TOGARAM1: variants seen among roughly 807,000 people sequenced by gnomAD.
The protein encoded by TOGARAM1 is TOG array regulator of axonemal microtubules 1, also known as TOG array regulator of axonemal microtubules protein 1.
In TOGARAM1, 100 loss-of-function variants were observed where a neutral mutation model predicts 166.6. The observed-to-expected ratio is 0.60, with a 90% CI of 0.51 to 0.71. TOGARAM1 has a LOEUF of 0.71. TOGARAM1 is among the 30% of genes least tolerant of loss of function. The probability of loss-of-function intolerance (pLI) is 0.00; values close to 1 mark genes in which losing one functional copy is unlikely to be tolerated. For missense variants in TOGARAM1, 2,029 were observed against 2,102.7 expected (o/e 0.96, Z 0.69); for synonymous variants, 758 against 763.8 (o/e 0.99, Z 0.13).
At position 45,066,594 on chromosome 14, in the gene TOGARAM1, C is replaced by T. The variant is rs772832978; in HGVS notation, c.4576C>T (p.Arg1526Cys). The change falls in exon 17 of 20, where the codon CGT becomes TGT. Residue 1526 changes from arginine to cysteine, a missense_variant. Around this residue, in one of 2 missense-constraint regions of TOGARAM1, gnomAD observed 576 missense variants for 670.5 expected, o/e 0.86. Coordinates refer to ENST00000361462, the MANE Select transcript of TOGARAM1 (RefSeq NM_001308120.2). ...NSAERAVTEV[R>C]EVTRKSVPRN... ...TCACTTTAGAGCTGTAACTGAAGTT[C>T]GTGAAGTCACCAGAAAATCAGTCCC... 2.2e-5 allele frequency: 35 copies of T among 1,606,762 alleles called. No homozygotes were observed. In the Admixed American group the frequency reaches 3.0e-4, roughly 14 times the overall value.
At chr14:44,981,318 G>A (rs1023208200) in intron 1 of TOGARAM1, among the ~76,000 whole-genome samples, 1 of 152,146 alleles carries the variant, frequency 6.6e-6, no homozygotes, top group East Asian at 1.9e-4. Context: ...GAGAGAGAGA[G>A]GGTAAGATCA....
intron 6 of TOGARAM1, among the ~76,000 whole-genome samples, chr14:45,009,789 G>A (rs1762693990): frequency 6.6e-6 from 1 of 152,182 alleles, no homozygotes; most frequent in Admixed American, 6.5e-5. Context: ...ACTGGTGAGT[G>A]ATCTCAAACT....
intron 1 of TOGARAM1, among the ~76,000 whole-genome samples, chr14:44,984,497 G>A (rs1886684909): frequency 6.6e-6 from 1 of 151,702 alleles, no homozygotes; most frequent in African/African-American, 2.4e-5. Flanking sequence ...TCTTAAAAAA[G>A]CTGTAACAGC....
In TOGARAM1 at chr14:44,980,450, C is replaced by T. The variant is rs538970959; in HGVS notation, c.2047-15296C>T. On this transcript the variant is annotated intron_variant, in intron 1 of 19. Transcript: ENST00000361462. Reference sequence around the variant, plus strand: ...GAGAGGTCAGTGTGGGTGAGGGAAGCGGAGCAGATCACTTGAGGTCAGGAG... The same window carrying T: ...GAGAGGTCAGTGTGGGTGAGGGAAGTGGAGCAGATCACTTGAGGTCAGGAG... Among the ~76,000 whole-genome samples, 10 of 152,168 alleles carry T rather than the reference C, an allele frequency of 6.6e-5. 1 individual carries two copies. The South Asian group carries it at 1.7e-3, about 25-fold the overall frequency.
intron 6 of TOGARAM1, among the ~76,000 whole-genome samples, chr14:45,009,974 A>G (rs1834826062): frequency 6.6e-6 from 1 of 152,196 alleles, no homozygotes; most frequent in African/African-American, 2.4e-5. Flanking sequence ...TTACACTCCT[A>G]CCAGCTATGT....
Position 45,068,430 on chromosome 14 carries a change from G to A in TOGARAM1, c.4756G>A (p.Asp1586Asn), listed in dbSNP as rs1340640473. The A allele has an allele frequency of 6.3e-7, 1 of 1,597,548 alleles. No homozygotes were observed. The change falls in exon 18 of 20, where the codon GAT becomes AAT. Residue 1586 changes from aspartate (D) to asparagine (N), a missense_variant. Asp to Asn is a conservative substitution (Grantham distance 23). This residue lies in a region of TOGARAM1 where 576 missense variants were observed against 670.5 expected (regional missense o/e 0.86). Coordinates refer to ENST00000361462, the MANE Select transcript of TOGARAM1 (RefSeq NM_001308120.2). ...TTTACCAATTTATTTTCAGATTTTT[G>A]ATGCTTTTAAATCTCGACTTCATGA... The part of the protein sequence containing the change: ...LVVGNIVKIF[D>N]AFKSRLHDSN...
rs1881909676 is a variant in TOGARAM1, at chr14:45,044,878, T to A, written c.4154+8T>A. The A allele has an allele frequency of 1.9e-6, 3 of 1,589,876 alleles. No homozygotes were observed. The highest frequency in any genetic ancestry group is 2.6e-6 in the Non-Finnish European group (3 of 1,163,358). On this transcript the variant is annotated splice_region_variant and intron_variant, in intron 13 of 19. Coordinates refer to ENST00000361462, the MANE Select transcript of TOGARAM1 (RefSeq NM_001308120.2). ...TATCAATGGTGGACAAAGGTAATGTTCAAAATAACCTTGAAATGTCTTTAA... is the reference window on the plus strand; with the variant it reads ...TATCAATGGTGGACAAAGGTAATGTACAAAATAACCTTGAAATGTCTTTAA...
Position 45,012,184 on chromosome 14 carries a change from A to G in TOGARAM1, c.3238+109A>G. On this transcript the variant is annotated intron_variant, in intron 7 of 19. Transcript: ENST00000361462. Reference sequence around the variant, plus strand: ...TTCATGTTGTTGTGCATACTGGTTAAGACTAATCATTTTTTTACTCCTTAA... The same window carrying G: ...TTCATGTTGTTGTGCATACTGGTTAGGACTAATCATTTTTTTACTCCTTAA... 9 of 644,394 alleles carry G rather than the reference A, an allele frequency of 1.4e-5. No homozygotes were observed. In the South Asian group the frequency reaches 2.6e-4, roughly 19 times the overall value. 39.9% of individuals were successfully genotyped at this position (644,394 alleles called of 1,614,324 possible). A position where few individuals can be genotyped will look rare whatever the true frequency, so the allele number is the denominator to read the frequency against.
At chr14:45,049,331 C>T (rs1044685618) in intron 14 of TOGARAM1, among the ~76,000 whole-genome samples, 9 of 151,882 alleles carry the variant, frequency 5.9e-5, no homozygotes, top group East Asian at 1.9e-4. Flanking sequence ...GGCGCCATCT[C>T]GGCTCACTGC....
At chr14:45,044,943 AAC>A in intron 13 of TOGARAM1, 73 bp downstream of exon 13, 6 of 1,142,224 alleles carry the variant, frequency 5.3e-6, no homozygotes, top group Non-Finnish European at 6.2e-6. Context: ...GTAGAAAAGA[AAC>A]AAGCAAATCT....
chr14:44,965,829 T>C (rs1343302781), intron 1 of TOGARAM1, among the ~76,000 whole-genome samples: 1 of 152,082 alleles, frequency 6.6e-6, no homozygotes, highest in African/African-American at 2.4e-5. Context: ...CAATGGTCTT[T>C]ACCTGTATCA....
intron 3 of TOGARAM1, among the ~76,000 whole-genome samples, chr14:44,999,772 T>C (rs987773781): frequency 7.9e-5 from 12 of 152,130 alleles, no homozygotes; most frequent in Non-Finnish European, 1.5e-4. Flanking sequence ...TGGTACATAT[T>C]TGTGGGGGAC....
intron 11 of TOGARAM1, among the ~76,000 whole-genome samples, chr14:45,036,053 C>T (rs1881414221): frequency 6.8e-6 from 1 of 148,134 alleles, no homozygotes; most frequent in Non-Finnish European, 1.5e-5. Context: ...TTGCCTGAAT[C>T]CAGGGGTTCG....
At chr14:45,001,110 A>T (rs566139109) in intron 3 of TOGARAM1, among the ~76,000 whole-genome samples, 1 of 152,166 alleles carries the variant, frequency 6.6e-6, no homozygotes, top group Admixed American at 6.5e-5. Flanking sequence ...GCAGTGTACA[A>T]GCATTCCTTT....
At chr14:44,986,738 G>A (rs1464512124) in intron 1 of TOGARAM1, among the ~76,000 whole-genome samples, 5 of 151,672 alleles carry the variant, frequency 3.3e-5, no homozygotes, top group African/African-American at 1.2e-4. Flanking sequence ...TGGGCGCGGT[G>A]GCTCGAGCCT....
At position 44,962,518 on chromosome 14, in the gene TOGARAM1, A is replaced by G. The variant is rs745797018; in HGVS notation, c.97A>G (p.Thr33Ala). 6.2e-7 allele frequency: 1 copy of G among 1,613,234 alleles called. No individual in the cohort carries two copies. Among genetic ancestry groups the G allele is most frequent in the African/African-American group, 1.3e-5 (1 of 74,852 alleles). The change falls in exon 1 of 20, where the codon ACC (threonine) becomes GCC (alanine). Residue 33 changes from threonine (T) to alanine (A), a missense_variant. Around this residue, in one of 2 missense-constraint regions of TOGARAM1, gnomAD observed 1,453 missense variants for 1,432.2 expected, o/e 1.01. Coordinates refer to ENST00000361462, the MANE Select transcript of TOGARAM1 (RefSeq NM_001308120.2). ...CCGCAGTCGTCCTTCCGCCCCAGAGACCGATGATAGTCGAGTTGGGGGCAT... is the reference window on the plus strand; with the variant it reads ...CCGCAGTCGTCCTTCCGCCCCAGAGGCCGATGATAGTCGAGTTGGGGGCAT... ...QSRSRPSAPE[T>A]DDSRVGGIMR...
chr14:45,039,585 T>A (rs1179318816), intron 11 of TOGARAM1, among the ~76,000 whole-genome samples: 1 of 152,144 alleles, frequency 6.6e-6, no homozygotes, highest in African/African-American at 2.4e-5. Context: ...GGGGACCATG[T>A]CAGCACTGCC....
intron 18 of TOGARAM1, among the ~76,000 whole-genome samples, chr14:45,070,515 C>G (rs1424385625): frequency 2.0e-5 from 3 of 152,150 alleles, no homozygotes; most frequent in African/African-American, 7.2e-5. Context: ...TTGACAAATA[C>G]AATACTGTAA....
At chr14:45,050,628 CT>C (rs956688017) in intron 14 of TOGARAM1, among the ~76,000 whole-genome samples, 17 of 150,962 alleles carry the variant, frequency 1.1e-4, no homozygotes, top group South Asian at 4.2e-4. Flanking sequence ...TTTCTCGTTC[CT>C]TTTTTTTTCC....
Sources: gnomAD v4.1 joint callset for allele counts (sites outside exome capture counted in the v4.1 genomes callset) on GRCh38, gnomAD v4.1.1 for gene constraint, gnomAD v4.1.1 regional missense constraint, MANE v1.5 for transcripts, NCBI Gene and HGNC (gene_info 2026-07-23, HGNC 2026-07-21) for gene names.